Variants in EDEM3 observed in about 807,000 individuals in gnomAD.
The protein encoded by EDEM3 is ER degradation-enhancing alpha-mannosidase-like protein 3.
EDEM3 carries 60 observed loss-of-function variants against 110.2 expected under a neutral mutation model. The ratio of observed to expected loss-of-function variants is 0.54; its 90% CI spans 0.44 to 0.67. The LOEUF (loss-of-function observed/expected upper bound fraction) is 0.67. Among genes scored for constraint, EDEM3 ranks in the 30% least tolerant of loss-of-function variants. The pLI is 0.00. For synonymous variants in EDEM3, 352 were observed against 382.9 expected, an observed-to-expected ratio of 0.92 and a Z score of 0.94; for missense variants, 996 against 1,121.0, an observed-to-expected ratio of 0.89 and a Z score of 1.59.
chr1:184,712,293 GAAAA>G, intron 14 of EDEM3, 136 bp downstream of exon 14: 1 of 808,360 alleles, frequency 1.2e-6, no homozygotes, highest in East Asian at 3.0e-5. Context: ...TGCAATAAAA[GAAAA>G]AAAATAGGAA....
At chr1:184,724,876 C>T (rs966616009) in intron 7 of EDEM3, among the ~76,000 whole-genome samples, 2 of 152,104 alleles carry the variant, frequency 1.3e-5, no homozygotes, top group African/African-American at 4.8e-5. Flanking sequence ...TATGAGAATT[C>T]AGATCTCTTT....
chr1:184,751,584 T>A (rs1258984938), intron 1 of EDEM3, among the ~76,000 whole-genome samples: 1 of 152,184 alleles, frequency 6.6e-6, no homozygotes, highest in Non-Finnish European at 1.5e-5. Context: ...CTCTTACACA[T>A]AGAAGCCTAA....
chr1:184,699,428 C>G (rs915725334), intron 19 of EDEM3, among the ~76,000 whole-genome samples: 1 of 151,616 alleles, frequency 6.6e-6, no homozygotes. Context: ...GAAGAGATGG[C>G]GCAAATGTGA....
intron 13 of EDEM3, among the ~76,000 whole-genome samples, chr1:184,713,627 G>A (rs1424919276): frequency 6.6e-6 from 1 of 152,114 alleles, no homozygotes; most frequent in Non-Finnish European, 1.5e-5. Context: ...GCACACAGTA[G>A]GCACTCAATA....
At chr1:184,733,575 A>T (rs533193096) in intron 5 of EDEM3, among the ~76,000 whole-genome samples, 2 of 152,354 alleles carry the variant, frequency 1.3e-5, no homozygotes, top group East Asian at 3.9e-4. Context: ...CACGCCTATA[A>T]TCCCAGCACT....
intron 3 of EDEM3, 77 bp from the exon 4 acceptor site, chr1:184,737,141 C>T (rs2102118159): frequency 8.1e-7 from 1 of 1,229,998 alleles, no homozygotes. Flanking sequence ...GACTTATCTA[C>T]ATTCTATTGA....
intron 5 of EDEM3, among the ~76,000 whole-genome samples, chr1:184,733,839 A>G (rs1292363767): frequency 6.6e-6 from 1 of 152,040 alleles, no homozygotes. Context: ...AAAAAAAAAA[A>G]AAAGGCCCAA....
At position 184,692,398 on chromosome 1, in the gene EDEM3, C is replaced by T. The variant is rs1024116414; in HGVS notation, c.*1665G>A. 1.1e-4 allele frequency: 16 copies of T among 152,040 alleles called. No homozygotes were observed. Among genetic ancestry groups the T allele is most frequent in the African/African-American group, 3.9e-4 (16 of 41,416 alleles). 9.4% of individuals were successfully genotyped at this position (152,040 alleles called of 1,614,324 possible). A position where few individuals can be genotyped will look rare whatever the true frequency, so the allele number is the denominator to read the frequency against. The stretch of plus-strand genomic sequence containing the variant: ...TGAATTCTCCATCAGATTTACTACT[C>T]CCTGACTCAATTATATTTACCTGGA... On this transcript the variant is annotated 3_prime_UTR_variant, in exon 20 of 20. Transcript: ENST00000318130.
intron 1 of EDEM3, among the ~76,000 whole-genome samples, chr1:184,751,657 C>T (rs1175669318): frequency 6.6e-6 from 1 of 152,128 alleles, no homozygotes; most frequent in Non-Finnish European, 1.5e-5. Context: ...AAAAAAATTT[C>T]CATAATGTTT....
chr1:184,724,908 A>G (rs1406070158), intron 7 of EDEM3, among the ~76,000 whole-genome samples: 3 of 152,216 alleles, frequency 2.0e-5, no homozygotes, highest in African/African-American at 7.2e-5. Context: ...ACCAAGGGTC[A>G]GCAAACCTTT....
rs764131509 is a variant in EDEM3 at position 184,754,479 on chromosome 1, G to A, written c.158+10C>T. On this transcript the variant is annotated intron_variant, in intron 1 of 19. Transcript: ENST00000318130. Reference sequence around the variant, plus strand: ...CCGAGAAACCCACCCCAGGCTGCCAGCACCCTTACCCAAGCTTCTGTTTCT... The same window carrying A: ...CCGAGAAACCCACCCCAGGCTGCCAACACCCTTACCCAAGCTTCTGTTTCT... 4 of 1,612,870 alleles carry A rather than the reference G, an allele frequency of 2.5e-6. No homozygotes were observed. The highest frequency in any genetic ancestry group is 1.3e-5 in the African/African-American group (1 of 74,892).
Position 184,754,830 on chromosome 1 carries a change from A to G in EDEM3, c.-184T>C. On this transcript the variant is annotated 5_prime_UTR_variant, in exon 1 of 20. Coordinates refer to ENST00000318130, the MANE Select transcript of EDEM3 (RefSeq NM_025191.4). ...GCCGGTCCCCAGCGCCAGCGCTGCC[A>G]CCGCCCTCCGCCCTCAGTATCCCGG... is the stretch of plus-strand genomic sequence containing the variant. 1 of 978,372 alleles carries G rather than the reference A, an allele frequency of 1.0e-6. No individual in the cohort carries two copies. Among genetic ancestry groups the G allele is most frequent in the Middle Eastern group, 3.3e-4 (1 of 3,024 alleles). 60.6% of individuals were successfully genotyped at this position (978,372 alleles called of 1,614,324 possible). A position where few individuals can be genotyped will look rare whatever the true frequency, so the allele number is the denominator to read the frequency against.
Position 184,734,658 on chromosome 1 carries a change from T to C in EDEM3, c.346-15A>G. On this transcript the variant is annotated splice_polypyrimidine_tract_variant and intron_variant, in intron 4 of 19. Transcript: ENST00000318130. ...TTATTTAAAACCTGGGAGAAGAAAA[T>C]TATGAAATAAAGTTCTTTTCTACCA... is the stretch of plus-strand genomic sequence containing the variant. 2 of 1,130,870 alleles carry C rather than the reference T, an allele frequency of 1.8e-6. No homozygotes were observed. Among genetic ancestry groups the C allele is most frequent in the Non-Finnish European group, 2.5e-6 (2 of 791,268 alleles). 70.1% of individuals were successfully genotyped at this position (1,130,870 alleles called of 1,614,324 possible). A position where few individuals can be genotyped will look rare whatever the true frequency, so the allele number is the denominator to read the frequency against.
chr1:184,713,042 A>T (rs1650344844), intron 13 of EDEM3, among the ~76,000 whole-genome samples: 1 of 152,162 alleles, frequency 6.6e-6, no homozygotes, highest in Non-Finnish European at 1.5e-5. Context: ...AGAAGGCTTT[A>T]AATGTAAAGA....
At chr1:184,754,339 G>A (rs1652965200) in intron 1 of EDEM3, 150 bp downstream of exon 1, 5 of 1,297,212 alleles carry the variant, frequency 3.9e-6, no homozygotes, top group Non-Finnish European at 4.1e-6. Flanking sequence ...CACCTCCCCG[G>A]ACCCTGTCCA....
At chr1:184,696,930 G>A (rs1229030376) in intron 19 of EDEM3, among the ~76,000 whole-genome samples, 10 of 151,710 alleles carry the variant, frequency 6.6e-5, no homozygotes, top group South Asian at 4.2e-4. Flanking sequence ...TGATGTAATC[G>A]GACAAGAAAG....
rs573358406 is a variant in EDEM3 at position 184,692,967 on chromosome 1, T to C, written c.*1096A>G. On this transcript the variant is annotated 3_prime_UTR_variant, in exon 20 of 20. Transcript: ENST00000318130. Reference sequence around the variant, plus strand: ...TCAACAGAAAATGTGACAGATTCCTTAGGTGCAACTTTAGAAACCTAAGTT... The same window carrying C: ...TCAACAGAAAATGTGACAGATTCCTCAGGTGCAACTTTAGAAACCTAAGTT... 3.9e-5 allele frequency: 6 copies of C among 154,724 alleles called. No individual in the cohort carries two copies. The East Asian group carries it at 9.7e-4, about 25-fold the overall frequency. 9.6% of individuals were successfully genotyped at this position (154,724 alleles called of 1,614,324 possible).
intron 5 of EDEM3, among the ~76,000 whole-genome samples, chr1:184,733,736 G>C (rs965753680): frequency 6.6e-6 from 1 of 151,512 alleles, no homozygotes; most frequent in Admixed American, 6.6e-5. Context: ...GCTGAGGCAG[G>C]AGAATCACTT....
intron 13 of EDEM3, among the ~76,000 whole-genome samples, chr1:184,715,990 G>C (rs1201159930): frequency 6.6e-6 from 1 of 152,122 alleles, no homozygotes; most frequent in African/African-American, 2.4e-5. Context: ...TCACTGCCTG[G>C]AACTTCTTTT....
Sources: allele counts gnomAD v4.1 joint callset (sites outside exome capture counted in the v4.1 genomes callset), GRCh38; gene constraint gnomAD v4.1.1; transcripts MANE v1.5; gene names NCBI Gene and HGNC (gene_info 2026-07-23, HGNC 2026-07-21).